IFT57: variants seen among roughly 807,000 people sequenced by gnomAD.
IFT57 encodes the protein intraflagellar transport 57.
IFT57 carries 59 observed loss-of-function variants against 56.8 expected under a neutral mutation model. The observed-to-expected ratio is 1.04, with a 90% CI of 0.84 to 1.29. The LOEUF (loss-of-function observed/expected upper bound fraction) is 1.29. Among genes scored for constraint, IFT57 ranks in the 50% most tolerant of loss-of-function variants. The pLI is 0.00. For synonymous variants in IFT57, 209 were observed against 186.1 expected, an observed-to-expected ratio of 1.12 and a Z score of -1.00; for missense variants, 470 against 522.1, an observed-to-expected ratio of 0.90 and a Z score of 0.97.
At chr3:108,183,754 G>A (rs997903297) in intron 6 of IFT57, among the ~76,000 whole-genome samples, 1 of 152,064 alleles carries the variant, frequency 6.6e-6, no homozygotes, top group Non-Finnish European at 1.5e-5. Flanking sequence ...TCTAAGGTTT[G>A]CTTTTTATAG....
intron 6 of IFT57, among the ~76,000 whole-genome samples, chr3:108,176,898 C>T (rs949882017): frequency 1.3e-5 from 2 of 151,746 alleles, no homozygotes; most frequent in African/African-American, 4.8e-5. Flanking sequence ...AGGCACTATG[C>T]TAAGCACTAC....
intron 4 of IFT57, chr3:108,213,653 A>T (rs2080355196): frequency 3.8e-6 from 1 of 263,026 alleles, no homozygotes; most frequent in African/African-American, 2.2e-5. Context: ...TAACATCATG[A>T]ATGGTTAATA....
At chr3:108,201,145 C>G (rs1439404306) in intron 5 of IFT57, among the ~76,000 whole-genome samples, 1 of 152,152 alleles carries the variant, frequency 6.6e-6, no homozygotes, top group Non-Finnish European at 1.5e-5. Flanking sequence ...TGGCGAGTGA[C>G]ACAGAGTCAG....
intron 5 of IFT57, among the ~76,000 whole-genome samples, chr3:108,199,485 G>A (rs1345542921): frequency 6.6e-6 from 1 of 152,158 alleles, no homozygotes; most frequent in Admixed American, 6.5e-5. Context: ...ATCAAAATGA[G>A]AAAAGAGTCT....
intron 6 of IFT57, among the ~76,000 whole-genome samples, chr3:108,174,587 A>G (rs1366661333): frequency 2.6e-5 from 4 of 151,864 alleles, no homozygotes; most frequent in Admixed American, 2.6e-4. Flanking sequence ...GAGGTTTATG[A>G]GATTTGCTGG....
chr3:108,192,448 T>C (rs953624542), intron 5 of IFT57, among the ~76,000 whole-genome samples: 4 of 152,098 alleles, frequency 2.6e-5, no homozygotes, highest in Admixed American at 1.3e-4. Context: ...ATCATGATTG[T>C]TTCTGAATTA....
chr3:108,214,108 C>G, intron 3 of IFT57, 87 bp from the exon 4 acceptor site: 1 of 710,944 alleles, frequency 1.4e-6, no homozygotes, highest in Non-Finnish European at 2.3e-6. Context: ...GTCCTCTATG[C>G]CAGGTTTTGT....
chr3:108,214,847 T>A (rs1180318905), intron 3 of IFT57, among the ~76,000 whole-genome samples: 2 of 152,174 alleles, frequency 1.3e-5, no homozygotes, highest in Non-Finnish European at 2.9e-5. Context: ...TCCCCTAGTG[T>A]ATTACTTATA....
At chr3:108,168,181 A>T (rs1450602323) in intron 6 of IFT57, among the ~76,000 whole-genome samples, 3 of 152,014 alleles carry the variant, frequency 2.0e-5, no homozygotes, top group Non-Finnish European at 4.4e-5. Flanking sequence ...CTAGAAAAGA[A>T]CTACTTGTTT....
chr3:108,193,621 T>C (rs1252312124), intron 5 of IFT57, among the ~76,000 whole-genome samples: 2 of 152,208 alleles, frequency 1.3e-5, no homozygotes, highest in African/African-American at 4.8e-5. Flanking sequence ...GCTGTATACT[T>C]CTATATATAT....
At chr3:108,176,666 A>G (rs1372249077) in intron 6 of IFT57, among the ~76,000 whole-genome samples, 1 of 151,902 alleles carries the variant, frequency 6.6e-6, no homozygotes, top group African/African-American at 2.4e-5. Flanking sequence ...ACAAGGATAA[A>G]TAAGTCCCAA....
intron 3 of IFT57, among the ~76,000 whole-genome samples, chr3:108,217,880 A>T (rs1489603249): frequency 6.6e-6 from 1 of 151,964 alleles, no homozygotes; most frequent in Non-Finnish European, 1.5e-5. Flanking sequence ...TTTCATCTAT[A>T]TGCTCAATAT....
chr3:108,167,589 CAT>C (rs953833127), intron 7 of IFT57, among the ~76,000 whole-genome samples: 3 of 149,208 alleles, frequency 2.0e-5, no homozygotes, highest in African/African-American at 7.4e-5. Flanking sequence ...TATATATATA[CAT>C]ATATATAGCT....
chr3:108,199,328 GT>G (rs2080264003), intron 5 of IFT57, among the ~76,000 whole-genome samples: 1 of 152,204 alleles, frequency 6.6e-6, no homozygotes, highest in Non-Finnish European at 1.5e-5. Context: ...AGACAAGTAT[GT>G]TTTAATGCAA....
At chr3:108,199,359 C>T (rs2080264254) in intron 5 of IFT57, among the ~76,000 whole-genome samples, 1 of 152,030 alleles carries the variant, frequency 6.6e-6, no homozygotes, top group African/African-American at 2.4e-5. Flanking sequence ...TTAAGTTTAG[C>T]CTAACAAGAA....
intron 6 of IFT57, among the ~76,000 whole-genome samples, chr3:108,184,898 C>T (rs1376619734): frequency 1.3e-5 from 2 of 152,102 alleles, no homozygotes; most frequent in East Asian, 3.9e-4. Flanking sequence ...CTGAATAACA[C>T]CATGGGACCT....
intron 6 of IFT57, among the ~76,000 whole-genome samples, chr3:108,171,758 G>A (rs2080093557): frequency 1.3e-5 from 2 of 151,640 alleles, no homozygotes; most frequent in South Asian, 4.2e-4. Context: ...CTTTATGAAA[G>A]AAAATGAACC....
chr3:108,210,298 TG>T (rs2080336609), intron 4 of IFT57, among the ~76,000 whole-genome samples: 1 of 151,542 alleles, frequency 6.6e-6, no homozygotes, highest in Non-Finnish European at 1.5e-5. Context: ...AGTTTCTAGA[TG>T]ATTATAGCAG....
At chr3:108,188,560 G>GA (rs1156730353) in intron 6 of IFT57, among the ~76,000 whole-genome samples, 2 of 152,100 alleles carry the variant, frequency 1.3e-5, no homozygotes, top group South Asian at 2.1e-4. Context: ...AAAAAATAAT[G>GA]AAAAAAACCT....
Sources: allele counts gnomAD v4.1 joint callset (sites outside exome capture counted in the v4.1 genomes callset), GRCh38; gene constraint gnomAD v4.1.1; transcripts MANE v1.5; gene names NCBI Gene and HGNC (gene_info 2026-07-23, HGNC 2026-07-21).